Variants in HDAC9 observed in about 807,000 individuals in gnomAD.
HDAC9 encodes MEF-2 interacting transcription repressor (MITR) protein.
A neutral mutation model predicts 139.4 loss-of-function variants in HDAC9; 41 were observed. The ratio of observed to expected loss-of-function variants is 0.29; its 90% CI spans 0.23 to 0.38. HDAC9 has a LOEUF of 0.38. Ranked by LOEUF, HDAC9 falls within the 10% of genes least tolerant of loss-of-function variation. The pLI is 1.00. For synonymous variants in HDAC9, 517 were observed against 476.2 expected (o/e 1.09, Z -1.12); for missense variants, 1,147 against 1,297.0 (o/e 0.88, Z 1.78).
At chr7:18,943,399 C>T (rs1224350071) in intron 23 of HDAC9, among the ~76,000 whole-genome samples, 1 of 151,978 alleles carries the variant, frequency 6.6e-6, no homozygotes, top group Non-Finnish European at 1.5e-5. Context: ...ATCCTCTTTC[C>T]AATTGACCGC....
At chr7:18,187,145 T>G (rs143551510) in intron 2 of HDAC9, among the ~76,000 whole-genome samples, 2 of 152,318 alleles carry the variant, frequency 1.3e-5, no homozygotes, top group Non-Finnish European at 1.5e-5. Flanking sequence ...TGGGTTTAAG[T>G]CATTGGAAAT....
chr7:18,635,208 C>T (rs1783518972), intron 8 of HDAC9, among the ~76,000 whole-genome samples: 1 of 151,794 alleles, frequency 6.6e-6, no homozygotes, highest in Non-Finnish European at 1.5e-5. Flanking sequence ...TAAGTAAAAA[C>T]AACTCGTACA....
At chr7:18,638,166 G>A (rs74390295) in intron 8 of HDAC9, among the ~76,000 whole-genome samples, 2,201 of 152,166 alleles carry the variant, frequency 0.014, 48 homozygotes, top group African/African-American at 0.05. Context: ...TTAAAGTAGT[G>A]TATATTTGAA....
intron 16 of HDAC9, among the ~76,000 whole-genome samples, chr7:18,790,388 A>G (rs1287242788): frequency 3.3e-5 from 5 of 149,326 alleles, no homozygotes; most frequent in African/African-American, 5.0e-5. Context: ...ATGAAGAGGA[A>G]CTTTAGTACA....
At chr7:18,617,865 G>T (rs550900528) in intron 6 of HDAC9, among the ~76,000 whole-genome samples, 4 of 152,226 alleles carry the variant, frequency 2.6e-5, no homozygotes, top group African/African-American at 9.6e-5. Flanking sequence ...AAGTTGTTTT[G>T]CTAAATAATT....
At chr7:18,655,216 C>G (rs901001257) in intron 11 of HDAC9, among the ~76,000 whole-genome samples, 5 of 152,118 alleles carry the variant, frequency 3.3e-5, no homozygotes, top group African/African-American at 1.2e-4. Context: ...TAATTTCTCT[C>G]CATCCATTTG....
At chr7:18,109,388 T>G (rs1170861459) in intron 1 of HDAC9, among the ~76,000 whole-genome samples, 2 of 152,204 alleles carry the variant, frequency 1.3e-5, no homozygotes, top group Non-Finnish European at 2.9e-5. Flanking sequence ...TCTGTAGCTT[T>G]TGGTGTCAGT....
intron 6 of HDAC9, among the ~76,000 whole-genome samples, chr7:18,623,268 G>C (rs1328704307): frequency 6.6e-6 from 1 of 152,094 alleles, no homozygotes; most frequent in African/African-American, 2.4e-5. Context: ...AGGCAAATTA[G>C]AAAGTGAGAA....
intron 12 of HDAC9, among the ~76,000 whole-genome samples, chr7:18,683,287 AAAAAAT>A (rs1255085126): frequency 6.6e-6 from 1 of 151,984 alleles, no homozygotes; most frequent in Non-Finnish European, 1.5e-5. Context: ...TTCTAAATGA[AAAAAAT>A]AAAAAATACA....
chr7:18,088,235 G>A (rs896157540), intron 1 of HDAC9, among the ~76,000 whole-genome samples: 38 of 152,104 alleles, frequency 2.5e-4, no homozygotes, highest in Admixed American at 1.4e-3. Context: ...TATGGGAAAG[G>A]GGTAAGAAAG....
At chr7:18,791,594 A>C (rs1792315379) in intron 16 of HDAC9, among the ~76,000 whole-genome samples, 1 of 152,294 alleles carries the variant, frequency 6.6e-6, no homozygotes, top group East Asian at 1.9e-4. Context: ...TTTAGCTGAC[A>C]GTGCAGACCA....
At chr7:18,757,742 G>C (rs1789008712) in intron 14 of HDAC9, among the ~76,000 whole-genome samples, 1 of 152,114 alleles carries the variant, frequency 6.6e-6, no homozygotes, top group African/African-American at 2.4e-5. Flanking sequence ...TGTGTGCTCT[G>C]TGTGTGGGTG....
intron 1 of HDAC9, among the ~76,000 whole-genome samples, chr7:18,310,809 TACACAC>T (rs71847714): frequency 0.12 from 16,625 of 143,132 alleles, 1,052 homozygotes; most frequent in Non-Finnish European, 0.15. Flanking sequence ...ACAAATCCAT[TACACAC>T]ACACACACAC....
At chr7:18,647,675 G>A (rs749228455) in intron 9 of HDAC9, 110 bp from the exon 10 acceptor site, 1 of 853,586 alleles carries the variant, frequency 1.2e-6, no homozygotes, top group Admixed American at 2.9e-5. Flanking sequence ...GGGTAAGATG[G>A]GGCTTTTGTT....
intron 2 of HDAC9, among the ~76,000 whole-genome samples, chr7:18,555,595 A>T (rs1388077046): frequency 6.6e-6 from 1 of 152,144 alleles, no homozygotes; most frequent in Admixed American, 6.5e-5. Flanking sequence ...AAACACACAG[A>T]TGTGTGTATA....
At chr7:18,977,882 T>G (rs1784643169) in intron 25 of HDAC9, among the ~76,000 whole-genome samples, 1 of 149,256 alleles carries the variant, frequency 6.7e-6, no homozygotes, top group Non-Finnish European at 1.5e-5. Context: ...GCATTTCAAT[T>G]GAACCATGCA....
intron 16 of HDAC9, among the ~76,000 whole-genome samples, chr7:18,786,353 T>C (rs569279442): frequency 6.6e-6 from 1 of 152,130 alleles, no homozygotes; most frequent in African/African-American, 2.4e-5. Flanking sequence ...CATGCCTCCA[T>C]AGAGAGGAGT....
At chr7:18,969,206 C>G (rs1784094164) in intron 24 of HDAC9, among the ~76,000 whole-genome samples, 2 of 152,040 alleles carry the variant, frequency 1.3e-5, no homozygotes, top group South Asian at 4.1e-4. Flanking sequence ...GCAGGTTAAA[C>G]AATTCAAGGA....
At chr7:18,705,309 T>C (rs764215077) in intron 12 of HDAC9, among the ~76,000 whole-genome samples, 1 of 152,120 alleles carries the variant, frequency 6.6e-6, no homozygotes, top group African/African-American at 2.4e-5. Context: ...CCTTACTAAG[T>C]GCTAGTAACA....
Sources: gnomAD v4.1 joint callset for allele counts (sites outside exome capture counted in the v4.1 genomes callset) on GRCh38, gnomAD v4.1.1 for gene constraint, MANE v1.5 for transcripts, NCBI Gene and HGNC (gene_info 2026-07-23, HGNC 2026-07-21) for gene names.